The following SLC30A3 variants were observed in gnomAD, a reference collection of about 807,000 sequenced individuals.
SLC30A3 encodes the protein solute carrier family 30 member 3.
SLC30A3 carries 20 observed loss-of-function variants against 35.6 expected under a neutral mutation model. That is an observed-to-expected ratio of 0.56 (90% CI 0.39 to 0.82). The LOEUF is 0.82. Among genes scored for constraint, SLC30A3 ranks in the 40% least tolerant of loss-of-function variants. The pLI is 0.00. For synonymous variants in SLC30A3, 217 were observed against 224.7 expected (o/e 0.97, Z 0.31); for missense variants, 401 against 530.6 (o/e 0.76, Z 2.40).
chr2:27,264,006 T>C, upstream of SLC30A3: 1 of 1,286,638 alleles, frequency 7.8e-7, no homozygotes, highest in Non-Finnish European at 1.0e-6. The surrounding 1 kb of genome is among the most constrained non-coding windows in gnomAD (Gnocchi z 6.1). Flanking sequence ...AGGGAGCGAC[T>C]TACAGCAAAG....
chr2:27,273,037 C>CAA (rs1166810598), intron 1 of SLC30A3, among the ~76,000 whole-genome samples: 1,356 of 92,752 alleles, frequency 0.015, 31 homozygotes, highest in African/African-American at 0.051. Flanking sequence ...GACCTTGTCT[C>CAA]AAAAAAAAAA....
intron 1 of SLC30A3, among the ~76,000 whole-genome samples, chr2:27,273,215 G>A (rs1018225527): frequency 1.6e-4 from 25 of 151,922 alleles, no homozygotes; most frequent in African/African-American, 5.6e-4. Context: ...CCTGAAGGAT[G>A]AGAGGTCAAG....
Position 27,255,895 on chromosome 2 carries a change from A to G in SLC30A3, c.1019-435T>C. On this transcript the variant is annotated intron_variant, in intron 7 of 7. Transcript: ENST00000233535. This position sits in a 1 kb window ranked among gnomAD's most constrained non-coding sequence, Gnocchi z 5.2. ...GGAAGAAACTCAAAAATCCTTTGTC[A>G]GCTCATGACTCACCATATATATTTT... The G allele has an allele frequency of 9.5e-6, 2 of 210,918 alleles. No individual in the cohort carries two copies. The highest frequency in any genetic ancestry group is 8.3e-5 in the South Asian group (1 of 12,054). 13.1% of individuals were successfully genotyped at this position (210,918 alleles called of 1,614,324 possible).
At chr2:27,256,686 A>C in intron 6 of SLC30A3, 102 bp downstream of exon 6, 1 of 1,286,778 alleles carries the variant, frequency 7.8e-7, no homozygotes, top group Non-Finnish European at 1.1e-6. Flanking sequence ...CCATGAGCCA[A>C]GCCTTCTTCC....
In SLC30A3 at chr2:27,258,720, A is replaced by G. The variant is rs1677013715; in HGVS notation, c.277+33T>C. On this transcript the variant is annotated intron_variant, in intron 2 of 7. Coordinates refer to ENST00000233535, the MANE Select transcript of SLC30A3 (RefSeq NM_003459.5). This position sits in a 1 kb window ranked among gnomAD's most constrained non-coding sequence, Gnocchi z 4.0. ...GAGAGTGGCTTGGGCAGGTATTTGG[A>G]GAATGGGGTTTAAGGGCTGCTCCCC... The G allele has an allele frequency of 2.5e-6, 4 of 1,611,516 alleles. No homozygotes were observed. The highest frequency in any genetic ancestry group is 3.4e-6 in the Non-Finnish European group (4 of 1,178,174).
intron 1 of SLC30A3, among the ~76,000 whole-genome samples, chr2:27,268,992 A>G (rs1035777570): frequency 1.3e-5 from 2 of 152,120 alleles, no homozygotes; most frequent in Admixed American, 1.3e-4. Flanking sequence ...GGGGTGCATC[A>G]AGGCTGTGGG....
At chr2:27,263,851 C>G (rs887755666), upstream of SLC30A3, among the ~76,000 whole-genome samples, 3 of 147,496 alleles carry the variant, frequency 2.0e-5, no homozygotes, top group African/African-American at 7.5e-5. Flanking sequence ...AGCCGCCTAT[C>G]TGGTGTCACG....
chr2:27,264,246 T>C, upstream of SLC30A3: 2 of 397,178 alleles, frequency 5.0e-6, no homozygotes, highest in Non-Finnish European at 5.1e-6. The surrounding 1 kb of genome is among the most constrained non-coding windows in gnomAD (Gnocchi z 6.1). Context: ...AGCCGCATCC[T>C]TCAGAACACA....
intron 5 of SLC30A3, 78 bp from the exon 6 acceptor site, chr2:27,256,971 G>C: frequency 8.5e-7 from 1 of 1,178,364 alleles, no homozygotes; most frequent in Non-Finnish European, 1.2e-6. Context: ...GAACAAACAT[G>C]ACCTGAGAGG....
At position 27,255,678 on chromosome 2, in the gene SLC30A3, T is replaced by C; in HGVS notation, c.1019-218A>G. The C allele has an allele frequency of 1.8e-6, 1 of 557,340 alleles. No individual in the cohort carries two copies. The allele number at this position is 557,340 out of a possible 1,614,324, so 34.5% of individuals were successfully genotyped here. ...TGCTAACACACTAAACTCTTTCCAG[T>C]CTCCTATTCTCTCCTGTCATTAAGT... On this transcript the variant is annotated intron_variant, in intron 7 of 7. Transcript: ENST00000233535. The surrounding 1 kb of genome is among the most constrained non-coding windows in gnomAD (Gnocchi z 5.2).
Position 27,255,134 on chromosome 2 carries a change from T to C in SLC30A3, c.*178A>G. ...TCCCACCCCACTCCCCGCCACACTT[T>C]GGTCTTGCCCACTGGGGCTGGGGCT... On this transcript the variant is annotated 3_prime_UTR_variant, in exon 8 of 8. Transcript: ENST00000233535. This position sits in a 1 kb window ranked among gnomAD's most constrained non-coding sequence, Gnocchi z 5.2. 4 of 1,557,282 alleles carry C rather than the reference T, an allele frequency of 2.6e-6. No homozygotes were observed. Among genetic ancestry groups the C allele is most frequent in the Non-Finnish European group, 3.5e-6 (4 of 1,158,550 alleles).
At position 27,257,339 on chromosome 2, in the gene SLC30A3, G is replaced by A. The variant is rs1468905774; in HGVS notation, c.592C>T (p.Leu198=). The change falls in exon 5 of 8, where the codon CTG becomes TTG. Residue 198 remains leucine (L), a synonymous_variant. Coordinates refer to ENST00000233535, the MANE Select transcript of SLC30A3 (RefSeq NM_003459.5). This position sits in a 1 kb window ranked among gnomAD's most constrained non-coding sequence, Gnocchi z 4.7. ...CTGTGGGGGGGCCCAGCCTGGTGCA[G>A]CACAAAGGCCATTCTGAGGGGTAAG... ...VCANLLMAFV[L]HQAGPPHSHG... is the part of the protein sequence containing the mutation. 1 of 1,612,046 alleles carries A rather than the reference G, an allele frequency of 6.2e-7. No homozygotes were observed. The highest frequency in any genetic ancestry group is 1.1e-5 in the South Asian group (1 of 90,752).
At chr2:27,259,642 C>T (rs937750379) in intron 1 of SLC30A3, among the ~76,000 whole-genome samples, 1 of 152,252 alleles carries the variant, frequency 6.6e-6, no homozygotes, top group Middle Eastern at 3.4e-3. Flanking sequence ...TGTGAGCCAC[C>T]GCACCCGGCT....
chr2:27,273,748 C>T (rs1488144066), intron 1 of SLC30A3, among the ~76,000 whole-genome samples: 1 of 151,492 alleles, frequency 6.6e-6, no homozygotes, highest in African/African-American at 2.4e-5. Context: ...CTCCTTAGTT[C>T]GTTTGCTTAG....
intron 5 of SLC30A3, 78 bp from the exon 6 acceptor site, chr2:27,256,971 G>T: frequency 8.5e-7 from 1 of 1,178,364 alleles, no homozygotes; most frequent in Non-Finnish European, 1.2e-6. Context: ...GAACAAACAT[G>T]ACCTGAGAGG....
rs544954291 is a variant in SLC30A3, at chr2:27,271,710, C to T, written c.-159+3467G>A. On this transcript the variant is annotated intron_variant, in intron 1 of 5. Transcript: ENST00000424577. The surrounding 1 kb of genome is among the most constrained non-coding windows in gnomAD (Gnocchi z 4.3). ...GGCATAGAACACTCAGTCAAAGAGGCTCTGGTTTCTAGGTAAAGGCAAAGA... is the reference window on the plus strand; with the variant it reads ...GGCATAGAACACTCAGTCAAAGAGGTTCTGGTTTCTAGGTAAAGGCAAAGA... Among the ~76,000 whole-genome samples the T allele has an allele frequency of 6.6e-6, 1 of 152,312 alleles. No individual in the cohort carries two copies. Among genetic ancestry groups the T allele is most frequent in the South Asian group, 2.1e-4 (1 of 4,824 alleles).
Position 27,257,924 on chromosome 2 carries a change from C to G in SLC30A3, c.559G>C (p.Ala187Pro), listed in dbSNP as rs754196564. The G allele has an allele frequency of 1.9e-6, 3 of 1,613,966 alleles. No individual in the cohort carries two copies. Among genetic ancestry groups the G allele is most frequent in the Non-Finnish European group, 2.5e-6 (3 of 1,179,960 alleles). The change falls in exon 4 of 8, where the codon GCA becomes CCA. Residue 187 changes from alanine (A) to proline (P), a missense_variant. Ala to Pro is a conservative substitution (Grantham distance 27). Transcript: ENST00000233535. This position sits in a 1 kb window ranked among gnomAD's most constrained non-coding sequence, Gnocchi z 4.7. ...ACGTACAACAGGTTGGCACAGACTG[C>G]GATGCTGGCGGTCAGCAGCATGGCA... ...GGAMLLTASI[A>P]VCANLLMAFV...
chr2:27,261,039 A>G (rs1055072180), intron 1 of SLC30A3, among the ~76,000 whole-genome samples: 2 of 152,196 alleles, frequency 1.3e-5, no homozygotes, highest in African/African-American at 4.8e-5. Context: ...CAGGGAAGGG[A>G]GCACTCCCTC....
rs1475187870 is a variant in SLC30A3 at position 27,262,570 on chromosome 2, G to A, written c.95+242C>T. Reference sequence around the variant, plus strand: ...GAGGGGTCCGGCGGCCTGGGACGCCGGCCGGAGGGGAGTGAGAGGCCGCTT... The same window carrying A: ...GAGGGGTCCGGCGGCCTGGGACGCCAGCCGGAGGGGAGTGAGAGGCCGCTT... On this transcript the variant is annotated intron_variant, in intron 1 of 7. Transcript: ENST00000233535. This position sits in a 1 kb window ranked among gnomAD's most constrained non-coding sequence, Gnocchi z 7.5. 1.3e-5 allele frequency among the ~76,000 whole-genome samples: 2 copies of A among 152,116 alleles called. No homozygotes were observed. The highest frequency in any genetic ancestry group is 4.8e-5 in the African/African-American group (2 of 41,440).
Sources: allele counts gnomAD v4.1 joint callset (sites outside exome capture counted in the v4.1 genomes callset), GRCh38; gene constraint gnomAD v4.1.1; non-coding constraint Gnocchi (gnomAD v3.1); transcripts MANE v1.5; gene names NCBI Gene and HGNC (gene_info 2026-07-23, HGNC 2026-07-21).